PELI2: variants seen among roughly 807,000 people sequenced by gnomAD.
PELI2 encodes pellino E3 ubiquitin protein ligase family member 2, also known as E3 ubiquitin-protein ligase pellino homolog 2.
Under a neutral mutation model 42.3 loss-of-function variants are expected in PELI2, and 23 were observed. That is an observed-to-expected ratio of 0.54 (90% CI 0.39 to 0.77). The LOEUF (loss-of-function observed/expected upper bound fraction) is 0.77, where lower values mean the gene tolerates loss of function less well. Ranked by LOEUF, PELI2 falls within the 30% of genes least tolerant of loss-of-function variation. PELI2 has a pLI of 0.00. For synonymous variants in PELI2, 245 were observed against 212.2 expected (o/e 1.15, Z -1.34); for missense variants, 463 against 553.2 (o/e 0.84, Z 1.64).
chr14:56,124,242 A>C (rs118144036), intron 1 of PELI2, among the ~76,000 whole-genome samples: 339 of 152,314 alleles, frequency 2.2e-3, no homozygotes, highest in Non-Finnish European at 4.1e-3. Context: ...TGTGATGATC[A>C]GTCTTGAGGG....
chr14:56,160,903 C>A (rs1253468689), intron 1 of PELI2, among the ~76,000 whole-genome samples: 1 of 152,192 alleles, frequency 6.6e-6, no homozygotes, highest in African/African-American at 2.4e-5. Flanking sequence ...AGAGGTAGAG[C>A]TGGAATCCCT....
chr14:56,195,242 C>T (rs1427521504), intron 2 of PELI2, among the ~76,000 whole-genome samples: 1 of 152,230 alleles, frequency 6.6e-6, no homozygotes, highest in African/African-American at 2.4e-5. Flanking sequence ...CAAAAGCATG[C>T]TTCTGGAAGT....
chr14:56,227,985 A>G (rs1406988106), intron 2 of PELI2, among the ~76,000 whole-genome samples: 1 of 152,238 alleles, frequency 6.6e-6, no homozygotes, highest in African/African-American at 2.4e-5. Flanking sequence ...CACTGCTAGG[A>G]GTGGAACTAA....
chr14:56,171,261 A>G (rs1885158107), intron 1 of PELI2, among the ~76,000 whole-genome samples: 1 of 152,110 alleles, frequency 6.6e-6, no homozygotes, highest in African/African-American at 2.4e-5. Context: ...TAAATGATTA[A>G]TGGTGTTATA....
At chr14:56,274,689 T>A in intron 2 of PELI2, among the ~76,000 whole-genome samples, 1 of 152,222 alleles carries the variant, frequency 6.6e-6, no homozygotes, top group East Asian at 1.9e-4. Context: ...CAGTTCTAAC[T>A]GTTCTCATCC....
At chr14:56,181,620 T>C (rs1298267785) in intron 2 of PELI2, among the ~76,000 whole-genome samples, 1 of 152,198 alleles carries the variant, frequency 6.6e-6, no homozygotes, top group Non-Finnish European at 1.5e-5. Context: ...TCATTCTCTC[T>C]GCCCACATTC....
rs183318076 is a variant in PELI2 at position 56,186,002 on chromosome 14, G to T, written c.207+7538G>T. Among the ~76,000 whole-genome samples the T allele has an allele frequency of 3.0e-3, 462 of 152,176 alleles. 2 individuals are homozygous for T. The highest frequency in any genetic ancestry group is 0.011 in the African/African-American group (446 of 41,508). ...CTTACATGGCAAAAGGGATTTTGCA[G>T]GTGGAATTAAGGTCATGAGACTTAA... On this transcript the variant is annotated intron_variant, in intron 2 of 5. Coordinates refer to ENST00000267460, the MANE Select transcript of PELI2 (RefSeq NM_021255.3).
chr14:56,172,540 A>G (rs946772351), intron 1 of PELI2, among the ~76,000 whole-genome samples: 5 of 152,200 alleles, frequency 3.3e-5, no homozygotes, highest in Admixed American at 6.5e-5. Context: ...AGCGGCTGGG[A>G]GACTCTTAAG....
chr14:56,226,678 G>A (rs902202247), intron 2 of PELI2, among the ~76,000 whole-genome samples: 2 of 152,192 alleles, frequency 1.3e-5, no homozygotes, highest in Non-Finnish European at 2.9e-5. Flanking sequence ...TCTGTGAGCT[G>A]TTGGAAACTT....
intron 1 of PELI2, among the ~76,000 whole-genome samples, chr14:56,147,073 T>C (rs376361344): frequency 1.1e-4 from 17 of 152,352 alleles, no homozygotes; most frequent in African/African-American, 4.1e-4. Context: ...TTGAGTCTGG[T>C]TTCTTCCACT....
At position 56,275,224 on chromosome 14, in the gene PELI2, G is replaced by A. The variant is rs191889217; in HGVS notation, c.208-4452G>A. 1.6e-4 allele frequency among the ~76,000 whole-genome samples: 25 copies of A among 152,244 alleles called. No homozygotes were observed. In the South Asian group the frequency reaches 1.7e-3, roughly 10 times the overall value. ...GGCGACCTGCGTTCTCATCACAGCTGCCCAATAGAGAAGTGAATATAGGAA... is the reference window on the plus strand; with the variant it reads ...GGCGACCTGCGTTCTCATCACAGCTACCCAATAGAGAAGTGAATATAGGAA... On this transcript the variant is annotated intron_variant, in intron 2 of 5. Coordinates refer to ENST00000267460, the MANE Select transcript of PELI2 (RefSeq NM_021255.3).
rs374064528 is a variant in PELI2, at chr14:56,217,591, T to C, written c.207+39127T>C. ...CTCACTGCATCAGGAAACTGTGTAG[T>C]TTTTGAGGTTTGCATTAAACAAACA... is the stretch of plus-strand genomic sequence containing the variant. On this transcript the variant is annotated intron_variant, in intron 2 of 5. Coordinates refer to ENST00000267460, the MANE Select transcript of PELI2 (RefSeq NM_021255.3). Among the ~76,000 whole-genome samples, 21 of 152,316 alleles carry C rather than the reference T, an allele frequency of 1.4e-4. 1 individual carries two copies. The highest frequency in any genetic ancestry group is 8.5e-4 in the Admixed American group (13 of 15,306).
At chr14:56,266,333 A>T (rs1053096027) in intron 2 of PELI2, among the ~76,000 whole-genome samples, 1 of 152,010 alleles carries the variant, frequency 6.6e-6, no homozygotes, top group Non-Finnish European at 1.5e-5. Context: ...AACACAAATG[A>T]GTGGGAAGAT....
At chr14:56,166,641 A>C (rs952965845) in intron 1 of PELI2, among the ~76,000 whole-genome samples, 2 of 152,120 alleles carry the variant, frequency 1.3e-5, no homozygotes, top group Non-Finnish European at 2.9e-5. Context: ...TTCTAAATAT[A>C]CTATTCTAGG....
intron 1 of PELI2, among the ~76,000 whole-genome samples, chr14:56,126,425 C>G (rs893064198): frequency 6.6e-6 from 1 of 152,224 alleles, no homozygotes; most frequent in Non-Finnish European, 1.5e-5. Flanking sequence ...AAACACTTCA[C>G]TCTGCTTATC....
At chr14:56,203,251 A>T (rs1460286762) in intron 2 of PELI2, among the ~76,000 whole-genome samples, 4 of 152,138 alleles carry the variant, frequency 2.6e-5, no homozygotes, top group African/African-American at 4.8e-5. Flanking sequence ...GAGGCATGAG[A>T]ATTGTTTGAA....
At chr14:56,293,407 A>G (rs1256853721) in intron 5 of PELI2, among the ~76,000 whole-genome samples, 1 of 152,200 alleles carries the variant, frequency 6.6e-6, no homozygotes, top group East Asian at 1.9e-4. Flanking sequence ...TTCACCACTT[A>G]GTTCTGTGGT....
At chr14:56,146,856 T>C (rs1337793909) in intron 1 of PELI2, among the ~76,000 whole-genome samples, 2 of 152,122 alleles carry the variant, frequency 1.3e-5, no homozygotes, top group Admixed American at 6.5e-5. Context: ...AGTTCAGTGG[T>C]TTAGTAAATT....
chr14:56,212,632 G>A (rs3783667), intron 2 of PELI2, among the ~76,000 whole-genome samples: 61,360 of 152,136 alleles, frequency 0.4, 13,093 homozygotes, highest in South Asian at 0.53. Flanking sequence ...TCTGACTTTG[G>A]GATGTTTGAT....
Sources: allele counts gnomAD v4.1 joint callset (sites outside exome capture counted in the v4.1 genomes callset), GRCh38; gene constraint gnomAD v4.1.1; transcripts MANE v1.5; gene names NCBI Gene and HGNC (gene_info 2026-07-23, HGNC 2026-07-21).